Variants in QSOX1 observed in about 807,000 individuals in gnomAD.
QSOX1 encodes quiescin sulfhydryl oxidase 1, also known as sulfhydryl oxidase 1.
In QSOX1, 40 loss-of-function variants were observed where a neutral mutation model predicts 76.1. The ratio of observed to expected loss-of-function variants is 0.53; its 90% CI spans 0.41 to 0.68. The LOEUF (loss-of-function observed/expected upper bound fraction) is 0.68, where lower values mean the gene tolerates loss of function less well. Ranked by LOEUF, QSOX1 falls within the 30% of genes least tolerant of loss-of-function variation. QSOX1 has a pLI of 0.00. For missense variants in QSOX1, 931 were observed against 974.3 expected (o/e 0.96, Z 0.59); for synonymous variants, 392 against 413.1 (o/e 0.95, Z 0.62).
chr1:180,194,065 G>A (rs888833904), intron 10 of QSOX1, 148 bp from the exon 11 acceptor site: 2 of 622,240 alleles, frequency 3.2e-6, no homozygotes, highest in Non-Finnish European at 5.4e-6. Context: ...AGGGGACACT[G>A]GGCCTCTGCT....
rs905031832 is a variant in QSOX1, at chr1:180,202,928, A to G, written c.*5891A>G. 1 of 152,022 alleles carries G rather than the reference A, an allele frequency of 6.6e-6. No individual in the cohort carries two copies. Among genetic ancestry groups the G allele is most frequent in the Non-Finnish European group, 1.5e-5 (1 of 68,010 alleles). The allele number at this position is 152,022 out of a possible 1,614,324, so 9.4% of individuals were successfully genotyped here. Reference sequence around the variant, plus strand: ...CCCCATCTCTACTAAAATATTACACAGGCATTGTGGCACACATCTGTAATC... The same window carrying G: ...CCCCATCTCTACTAAAATATTACACGGGCATTGTGGCACACATCTGTAATC... On this transcript the variant is annotated 3_prime_UTR_variant, in exon 12 of 12. Coordinates refer to ENST00000367602, the MANE Select transcript of QSOX1 (RefSeq NM_002826.5).
At chr1:180,186,297 G>A in intron 8 of QSOX1, 115 bp downstream of exon 8, 1 of 1,383,040 alleles carries the variant, frequency 7.2e-7, no homozygotes, top group South Asian at 1.4e-5. Context: ...GGTCTGGCTG[G>A]ACACCTGGAC....
chr1:180,197,629 G>A lies in QSOX1; in HGVS notation c.*592G>A, dbSNP rs185650233. 158 of 493,884 alleles carry A rather than the reference G, an allele frequency of 3.2e-4. No homozygotes were observed. The Middle Eastern group carries it at 3.3e-3, about 10-fold the overall frequency. The allele number at this position is 493,884 out of a possible 1,614,324, so 30.6% of individuals were successfully genotyped here. ...TGGGGTTTGGAAGCTTCTGGAAGTCGTGCTGGTCTCCCAGGTGAGGCAAGC... is the reference window on the plus strand; with the variant it reads ...TGGGGTTTGGAAGCTTCTGGAAGTCATGCTGGTCTCCCAGGTGAGGCAAGC... On this transcript the variant is annotated 3_prime_UTR_variant, in exon 12 of 12. Coordinates refer to ENST00000367602, the MANE Select transcript of QSOX1 (RefSeq NM_002826.5).
At chr1:180,160,212 T>G (rs1414171371) in intron 1 of QSOX1, among the ~76,000 whole-genome samples, 1 of 152,156 alleles carries the variant, frequency 6.6e-6, no homozygotes, top group Non-Finnish European at 1.5e-5. Flanking sequence ...GATCAAAGAA[T>G]GAGCCAGATG....
chr1:180,166,522 G>A lies in QSOX1; in HGVS notation c.297G>A (p.Leu99=). 6.2e-7 allele frequency: 1 copy of A among 1,614,078 alleles called. No individual in the cohort carries two copies. The highest frequency in any genetic ancestry group is 8.5e-7 in the Non-Finnish European group (1 of 1,180,022). ...AWRPALYLAA[L]DCAEETNSAV... Reference sequence around the variant, plus strand: ...GGCCGGCCCTGTATCTCGCCGCCCTGGACTGTGCTGAGGAGACCAACAGTG... The same window carrying A: ...GGCCGGCCCTGTATCTCGCCGCCCTAGACTGTGCTGAGGAGACCAACAGTG... The change falls in exon 2 of 12, where the codon CTG becomes CTA. Residue 99 remains leucine, a synonymous_variant. Transcript: ENST00000367602.
intron 10 of QSOX1, 82 bp from the exon 11 acceptor site, chr1:180,194,131 G>C: frequency 1.5e-6 from 2 of 1,366,110 alleles, no homozygotes; most frequent in Non-Finnish European, 2.0e-6. Context: ...AGGATGGGGG[G>C]CGGCAGGGTG....
chr1:180,171,832 G>A (rs1480525325), intron 2 of QSOX1, among the ~76,000 whole-genome samples: 3 of 152,166 alleles, frequency 2.0e-5, no homozygotes, highest in East Asian at 1.9e-4. Flanking sequence ...AGGGGAGGGT[G>A]GCAACGTGAA....
chr1:180,184,375 A>G (rs1295688706), intron 7 of QSOX1, among the ~76,000 whole-genome samples: 1 of 152,244 alleles, frequency 6.6e-6, no homozygotes, highest in African/African-American at 2.4e-5. Flanking sequence ...TGAGGCCTCC[A>G]GACCAACTTC....
At chr1:180,178,332 CG>C (rs1390060304) in intron 4 of QSOX1, among the ~76,000 whole-genome samples, 1 of 152,196 alleles carries the variant, frequency 6.6e-6, no homozygotes, top group Non-Finnish European at 1.5e-5. Flanking sequence ...CTCCACTCCC[CG>C]GGTTCAAGTG....
At chr1:180,155,492 C>T (rs1009562582) in intron 1 of QSOX1, among the ~76,000 whole-genome samples, 1 of 152,108 alleles carries the variant, frequency 6.6e-6, no homozygotes, top group African/African-American at 2.4e-5. Context: ...TCCTTTGTTC[C>T]TTCCTCCGCA....
intron 2 of QSOX1, among the ~76,000 whole-genome samples, chr1:180,169,219 G>A (rs1173368090): frequency 6.6e-6 from 1 of 152,238 alleles, no homozygotes; most frequent in Non-Finnish European, 1.5e-5. Context: ...TGCAGGTTCT[G>A]GCTGGAGCTT....
intron 1 of QSOX1, among the ~76,000 whole-genome samples, chr1:180,166,147 G>C (rs1355794298): frequency 6.6e-6 from 1 of 152,126 alleles, no homozygotes; most frequent in Non-Finnish European, 1.5e-5. Context: ...TTTCCTGGGG[G>C]GTGGGGGGCT....
intron 4 of QSOX1, among the ~76,000 whole-genome samples, chr1:180,176,737 C>T (rs144540590): frequency 5.3e-5 from 8 of 152,332 alleles, no homozygotes; most frequent in Middle Eastern, 3.4e-3. Context: ...ATGCCCACCT[C>T]GGAGGACTCT....
At chr1:180,179,533 A>G (rs1662977842) in intron 5 of QSOX1, among the ~76,000 whole-genome samples, 1 of 152,254 alleles carries the variant, frequency 6.6e-6, no homozygotes, top group Admixed American at 6.5e-5. Flanking sequence ...TGCAGCTGAC[A>G]CATAGTAGGT....
rs1371725512 is a variant in QSOX1, at chr1:180,200,286, C to T, written c.*3249C>T. The T allele has an allele frequency of 6.6e-6, 1 of 152,222 alleles. No individual in the cohort carries two copies. Among genetic ancestry groups the T allele is most frequent in the East Asian group, 1.9e-4 (1 of 5,200 alleles). The allele number at this position is 152,222 out of a possible 1,614,324, so 9.4% of individuals were successfully genotyped here. A position where few individuals can be genotyped will look rare whatever the true frequency, so the allele number is the denominator to read the frequency against. ...ACACTAAGTGCTTAATAATGGTAGCCCACTGCTCATGTCGTGTCGTCTCCT... is the reference window on the plus strand; with the variant it reads ...ACACTAAGTGCTTAATAATGGTAGCTCACTGCTCATGTCGTGTCGTCTCCT... On this transcript the variant is annotated 3_prime_UTR_variant, in exon 12 of 12. Transcript: ENST00000367602.
rs968309056 is a variant in QSOX1 at position 180,198,675 on chromosome 1, G to C, written c.*1638G>C. 3.0e-6 allele frequency: 1 copy of C among 334,456 alleles called. No individual in the cohort carries two copies. The highest frequency in any genetic ancestry group is 2.2e-5 in the African/African-American group (1 of 46,382). The allele number at this position is 334,456 out of a possible 1,614,324, so 20.7% of individuals were successfully genotyped here. A position where few individuals can be genotyped will look rare whatever the true frequency, so the allele number is the denominator to read the frequency against. ...GCTGCAGCGCCTTGCTGGGCTCCTG[G>C]GTTGGACTCCCTCTCTGTGCCCCTG... On this transcript the variant is annotated 3_prime_UTR_variant, in exon 12 of 12. Coordinates refer to ENST00000367602, the MANE Select transcript of QSOX1 (RefSeq NM_002826.5).
In QSOX1 at chr1:180,190,630, C is replaced by T. The variant is rs772712196; in HGVS notation, c.1288+50C>T. 1.3e-5 allele frequency: 20 copies of T among 1,554,616 alleles called. No individual in the cohort carries two copies. The East Asian group carries it at 1.8e-4, about 14-fold the overall frequency. ...ACTGTGCCTCCAACCCTGCTCTGTT[C>T]GGCCCTCCAAGGGGAGAGGGGGCAG... On this transcript the variant is annotated intron_variant, in intron 10 of 11. Coordinates refer to ENST00000367602, the MANE Select transcript of QSOX1 (RefSeq NM_002826.5).
chr1:180,197,076 C>T lies in QSOX1; in HGVS notation c.*39C>T, dbSNP rs750810778. Reference sequence around the variant, plus strand: ...GAGGCGGGAGAGGGAGCTGCCATCTCTAGGCACCTCAAGCCCCCTGACCCC... The same window carrying T: ...GAGGCGGGAGAGGGAGCTGCCATCTTTAGGCACCTCAAGCCCCCTGACCCC... On this transcript the variant is annotated 3_prime_UTR_variant, in exon 12 of 12. Coordinates refer to ENST00000367602, the MANE Select transcript of QSOX1 (RefSeq NM_002826.5). 20 of 1,569,302 alleles carry T rather than the reference C, an allele frequency of 1.3e-5. 1 individual carries two copies. In the South Asian group the frequency reaches 2.1e-4, roughly 17 times the overall value.
rs977652107 is a variant in QSOX1 at position 180,200,087 on chromosome 1, G to A, written c.*3050G>A. Reference sequence around the variant, plus strand: ...CAAATCTGGGCCCTGGGTCAGGGTGGGGTCAAGTCCAGCCTTGAAGAGAAT... The same window carrying A: ...CAAATCTGGGCCCTGGGTCAGGGTGAGGTCAAGTCCAGCCTTGAAGAGAAT... On this transcript the variant is annotated 3_prime_UTR_variant, in exon 12 of 12. Transcript: ENST00000367602. 6.6e-6 allele frequency: 1 copy of A among 152,188 alleles called. No individual in the cohort carries two copies. Among genetic ancestry groups the A allele is most frequent in the Admixed American group, 6.5e-5 (1 of 15,288 alleles). 9.4% of individuals were successfully genotyped at this position (152,188 alleles called of 1,614,324 possible). A position where few individuals can be genotyped will look rare whatever the true frequency, so the allele number is the denominator to read the frequency against.
Sources: gnomAD v4.1 joint callset for allele counts (sites outside exome capture counted in the v4.1 genomes callset) on GRCh38, gnomAD v4.1.1 for gene constraint, MANE v1.5 for transcripts, NCBI Gene and HGNC (gene_info 2026-07-23, HGNC 2026-07-21) for gene names.